The following ARHGAP31 variants were observed in gnomAD, a reference collection of about 807,000 sequenced individuals.
ARHGAP31 encodes rho GTPase-activating protein 31.
In ARHGAP31, 34 loss-of-function variants were observed where a neutral mutation model predicts 113.9. That is an observed-to-expected ratio of 0.30 (90% CI 0.23 to 0.40). The LOEUF is 0.40. ARHGAP31 is among the 10% of genes least tolerant of loss of function. ARHGAP31 has a pLI of 1.00. For synonymous variants in ARHGAP31, 650 were observed against 684.8 expected, an observed-to-expected ratio of 0.95 and a Z score of 0.79; for missense variants, 1,548 against 1,767.1, an observed-to-expected ratio of 0.88 and a Z score of 2.22.
At chr3:119,373,495 G>T (rs1401401971) in intron 3 of ARHGAP31, among the ~76,000 whole-genome samples, 1 of 151,036 alleles carries the variant, frequency 6.6e-6, no homozygotes, top group Non-Finnish European at 1.5e-5. Context: ...ATGGAGTCTT[G>T]CTCTGTCGCC....
intron 4 of ARHGAP31, among the ~76,000 whole-genome samples, chr3:119,381,555 A>G (rs1367978282): frequency 1.3e-5 from 2 of 152,198 alleles, no homozygotes. Flanking sequence ...TTGTTTATCC[A>G]TGAAATTAGC....
At chr3:119,372,965 C>G (rs115292279) in intron 3 of ARHGAP31, among the ~76,000 whole-genome samples, 1 of 152,076 alleles carries the variant, frequency 6.6e-6, no homozygotes, top group Admixed American at 6.5e-5. Context: ...AATGAAGGAA[C>G]AATGCCATAA....
At chr3:119,368,662 G>A (rs1577015177) in intron 3 of ARHGAP31, 146 bp downstream of exon 3, 6 of 1,061,398 alleles carry the variant, frequency 5.7e-6, no homozygotes, top group Non-Finnish European at 5.4e-6. Context: ...AATATGGTAA[G>A]GAAAATAGGG....
At chr3:119,335,881 A>T (rs988657966) in intron 1 of ARHGAP31, among the ~76,000 whole-genome samples, 1 of 152,196 alleles carries the variant, frequency 6.6e-6, no homozygotes, top group Non-Finnish European at 1.5e-5. Context: ...TGAGTTTAAA[A>T]ACGGATTCTG....
At chr3:119,304,435 G>C (rs1232980905) in intron 1 of ARHGAP31, among the ~76,000 whole-genome samples, 1 of 152,202 alleles carries the variant, frequency 6.6e-6, no homozygotes, top group Non-Finnish European at 1.5e-5. Context: ...GGGAGGATGG[G>C]AGGATGGGGT....
At chr3:119,336,428 T>C (rs1034146700) in intron 1 of ARHGAP31, among the ~76,000 whole-genome samples, 1 of 152,072 alleles carries the variant, frequency 6.6e-6, no homozygotes, top group African/African-American at 2.4e-5. Context: ...GGATGTACCA[T>C]CATGCAGCAG....
chr3:119,301,868 A>G (rs556328711), intron 1 of ARHGAP31, among the ~76,000 whole-genome samples: 140 of 152,304 alleles, frequency 9.2e-4, no homozygotes, highest in Non-Finnish European at 1.7e-3. Context: ...GGGGCTACCC[A>G]TTGCTCATTT....
intron 6 of ARHGAP31, among the ~76,000 whole-genome samples, chr3:119,384,951 G>C (rs1213501215): frequency 6.7e-6 from 1 of 149,058 alleles, no homozygotes; most frequent in Non-Finnish European, 1.5e-5. Flanking sequence ...TTTGGATGGA[G>C]TCTCACTCTG....
chr3:119,302,815 T>C (rs929974907), intron 1 of ARHGAP31, among the ~76,000 whole-genome samples: 3 of 152,244 alleles, frequency 2.0e-5, no homozygotes, highest in African/African-American at 7.2e-5. Context: ...CCACAACCTA[T>C]GAAAAGTGAT....
rs536216740 is a variant in ARHGAP31 at position 119,321,229 on chromosome 3, C to T, written c.100+26225C>T. On this transcript the variant is annotated intron_variant, in intron 1 of 11. Coordinates refer to ENST00000264245, the MANE Select transcript of ARHGAP31 (RefSeq NM_020754.4). ...TCAAGTAAATTTTATCATCTTTCAC[C>T]CAGGCCCGGTGATTTCCTATTCAGC... is the stretch of plus-strand genomic sequence containing the variant. Among the ~76,000 whole-genome samples the T allele has an allele frequency of 6.3e-5, 9 of 142,366 alleles. No individual in the cohort carries two copies. In the Admixed American group the frequency reaches 6.3e-4, roughly 10 times the overall value. The allele number at this position is 142,366 out of a possible 152,430, so 93.4% of individuals were successfully genotyped here.
rs4688001 is a variant in ARHGAP31 at position 119,399,257 on chromosome 3, G to A, written c.1065G>A (p.Val355=). The change falls in exon 9 of 12, where the codon GTG becomes GTA. Residue 355 remains valine, a synonymous_variant. Coordinates refer to ENST00000264245, the MANE Select transcript of ARHGAP31 (RefSeq NM_020754.4). ...TGGACTCACTATGTTCAGTGCCTGT[G>A]GAAGGTAAGATTTTACAAGTAGTTT... ...KSMDSLCSVP[V]EGKETKGNFN... is the part of the protein sequence containing the mutation. 2.7e-5 allele frequency: 44 copies of A among 1,612,604 alleles called. No individual in the cohort carries two copies. Among genetic ancestry groups the A allele is most frequent in the Non-Finnish European group, 3.1e-5 (36 of 1,178,694 alleles).
chr3:119,343,874 C>T (rs1055468345), intron 1 of ARHGAP31, among the ~76,000 whole-genome samples: 1 of 152,268 alleles, frequency 6.6e-6, no homozygotes, highest in African/African-American at 2.4e-5. Context: ...ACACTGACAT[C>T]TGCTGCTGCC....
chr3:119,335,541 G>A (rs976443302), intron 1 of ARHGAP31, among the ~76,000 whole-genome samples: 7 of 152,152 alleles, frequency 4.6e-5, no homozygotes, highest in African/African-American at 1.4e-4. Flanking sequence ...AACCAGTGGC[G>A]CTGTGAGAAA....
At chr3:119,403,116 G>A (rs985587954) in intron 10 of ARHGAP31, among the ~76,000 whole-genome samples, 3 of 152,154 alleles carry the variant, frequency 2.0e-5, no homozygotes, top group Non-Finnish European at 2.9e-5. Context: ...TGGAAGCAGG[G>A]AGAACCCCAA....
At chr3:119,329,681 A>G (rs541560133) in intron 1 of ARHGAP31, 1 of 502,046 alleles carries the variant, frequency 2.0e-6, no homozygotes, top group Non-Finnish European at 2.6e-6. Context: ...GCTGTATCCA[A>G]GGTTACAGTG....
intron 1 of ARHGAP31, among the ~76,000 whole-genome samples, chr3:119,326,434 A>G (rs2079844706): frequency 6.6e-6 from 1 of 152,130 alleles, no homozygotes; most frequent in Non-Finnish European, 1.5e-5. Context: ...AAGGAGAACA[A>G]GTCTGGGTGG....
intron 1 of ARHGAP31, among the ~76,000 whole-genome samples, chr3:119,300,845 A>G (rs1432449562): frequency 1.1e-5 from 1 of 91,572 alleles, no homozygotes; most frequent in East Asian, 2.4e-4. Flanking sequence ...AAAAAAAAAA[A>G]GAAAGAAAGA....
chr3:119,355,087 G>A (rs2080144008), intron 1 of ARHGAP31, among the ~76,000 whole-genome samples: 1 of 152,106 alleles, frequency 6.6e-6, no homozygotes, highest in South Asian at 2.1e-4. Flanking sequence ...CATGGTAGGT[G>A]TAGCTTGGGG....
chr3:119,358,408 T>C (rs1267960071), intron 1 of ARHGAP31, among the ~76,000 whole-genome samples: 1 of 152,194 alleles, frequency 6.6e-6, no homozygotes, highest in Non-Finnish European at 1.5e-5. Context: ...GAATGTAAAA[T>C]GGCACAACTA....
Sources: gnomAD v4.1 joint callset for allele counts (sites outside exome capture counted in the v4.1 genomes callset) on GRCh38, gnomAD v4.1.1 for gene constraint, MANE v1.5 for transcripts, NCBI Gene and HGNC (gene_info 2026-07-23, HGNC 2026-07-21) for gene names.